The following MRPS31 variants were observed in gnomAD, a reference collection of about 807,000 sequenced individuals.
MRPS31 encodes the protein small ribosomal subunit protein mS31.
A neutral mutation model predicts 43.1 loss-of-function variants in MRPS31; 32 were observed. The ratio of observed to expected loss-of-function variants is 0.74; its 90% CI spans 0.56 to 1.00. The LOEUF (loss-of-function observed/expected upper bound fraction) is 1.00, where lower values mean the gene tolerates loss of function less well. Among genes scored for constraint, MRPS31 ranks in the 50% least tolerant of loss-of-function variants. The probability of loss-of-function intolerance (pLI) is 0.00; values close to 1 mark genes in which losing one functional copy is unlikely to be tolerated. For synonymous variants in MRPS31, 165 were observed against 161.6 expected (o/e 1.02, Z -0.16); for missense variants, 437 against 466.7 (o/e 0.94, Z 0.59).
intron 4 of MRPS31, among the ~76,000 whole-genome samples, chr13:40,756,638 G>A (rs1031757573): frequency 1.3e-5 from 2 of 152,212 alleles, no homozygotes; most frequent in African/African-American, 4.8e-5. Context: ...GTGGGTAGAT[G>A]TGAAGCATGG....
Position 40,767,013 on chromosome 13 carries a change from C to T in MRPS31, c.173G>A (p.Arg58Lys). The change falls in exon 2 of 7, where the codon AGA becomes AAA. Residue 58 changes from arginine (R) to lysine (K), a missense_variant. Coordinates refer to ENST00000323563, the MANE Select transcript of MRPS31 (RefSeq NM_005830.4). ...LLARTKNNIQ[R>K]YFGTNSVICS... ...GATCACACTGTTAGTGCCAAAATATCTTTGGATGTTATTTTTTGTCCTGGA... is the reference window on the plus strand; with the variant it reads ...GATCACACTGTTAGTGCCAAAATATTTTTGGATGTTATTTTTTGTCCTGGA... 1.2e-6 allele frequency: 2 copies of T among 1,605,700 alleles called. No homozygotes were observed. The highest frequency in any genetic ancestry group is 1.1e-5 in the South Asian group (1 of 88,544).
intron 1 of MRPS31, among the ~76,000 whole-genome samples, chr13:40,769,817 G>A (rs1048376291): frequency 6.6e-6 from 1 of 152,060 alleles, no homozygotes; most frequent in African/African-American, 2.4e-5. Context: ...GGAAAATCAC[G>A]TCTAAGTAAC....
chr13:40,759,138 G>GAAAA, intron 2 of MRPS31, 32 bp from the exon 3 acceptor site: 1 of 1,494,682 alleles, frequency 6.7e-7, no homozygotes, highest in Admixed American at 2.2e-5. Context: ...AAATGAGAAA[G>GAAAA]AAAAAAAAAG....
intron 6 of MRPS31, among the ~76,000 whole-genome samples, chr13:40,747,123 G>C (rs774345461): frequency 5.3e-5 from 8 of 151,572 alleles, no homozygotes; most frequent in Non-Finnish European, 7.4e-5. Context: ...CTGTCACCCA[G>C]GCTGGAGTGC....
chr13:40,754,204 C>A, intron 4 of MRPS31, 112 bp from the exon 5 acceptor site: 1 of 595,572 alleles, frequency 1.7e-6, no homozygotes, highest in East Asian at 3.3e-5. Context: ...AAAAATTCCA[C>A]TGACCCACAT....
chr13:40,752,390 C>G (rs1052827955), intron 5 of MRPS31: 2 of 152,200 alleles, frequency 1.3e-5, no homozygotes, highest in African/African-American at 4.8e-5. Flanking sequence ...TGTCCCTACG[C>G]ATTTTGCACT....
At chr13:40,747,447 T>A (rs1436933007) in intron 6 of MRPS31, among the ~76,000 whole-genome samples, 3 of 152,208 alleles carry the variant, frequency 2.0e-5, no homozygotes, top group Middle Eastern at 3.2e-3. Context: ...GGGCTGCTAC[T>A]CAGGTTTGTA....
Position 40,766,972 on chromosome 13 carries a change from T to C in MRPS31, c.214A>G (p.Lys72Glu). ...TNSVICSKKD[K>E]QSVRTEETSK... ...GTCTCCTCAGTTCGAACAGACTGCT[T>C]ATCTTTCTTGCTACAGATCACACTG... Residue 72 changes from lysine to glutamate, a missense_variant, in exon 2 of 7, where the codon AAG becomes GAG. Transcript: ENST00000323563. The C allele has an allele frequency of 6.2e-7, 1 of 1,614,144 alleles. No individual in the cohort carries two copies. Among genetic ancestry groups the C allele is most frequent in the South Asian group, 1.1e-5 (1 of 91,074 alleles).
At chr13:40,754,457 G>C (rs1880473568) in intron 4 of MRPS31, among the ~76,000 whole-genome samples, 1 of 152,112 alleles carries the variant, frequency 6.6e-6, no homozygotes, top group South Asian at 2.1e-4. Context: ...CTCAACATTT[G>C]TCTTTAAGGG....
At chr13:40,755,149 GCAAATAC>G in intron 4 of MRPS31, among the ~76,000 whole-genome samples, 1 of 152,290 alleles carries the variant, frequency 6.6e-6, no homozygotes, top group African/African-American at 2.4e-5. Flanking sequence ...CTGGAAAAAT[GCAAATAC>G]CATATGAACG....
At chr13:40,742,978 C>A (rs924255637) in intron 6 of MRPS31, among the ~76,000 whole-genome samples, 2 of 152,028 alleles carry the variant, frequency 1.3e-5, no homozygotes, top group Non-Finnish European at 2.9e-5. Context: ...AAATACCATC[C>A]TAGACAACAG....
At chr13:40,744,160 A>G (rs1188886653) in intron 6 of MRPS31, among the ~76,000 whole-genome samples, 4 of 152,206 alleles carry the variant, frequency 2.6e-5, no homozygotes, top group Admixed American at 2.0e-4. Flanking sequence ...GAGTACATAT[A>G]GACACAAAGA....
In MRPS31 at chr13:40,767,026, T is replaced by A; in HGVS notation, c.160A>T (p.Asn54Tyr). 2 of 1,604,116 alleles carry A rather than the reference T, an allele frequency of 1.2e-6. No individual in the cohort carries two copies. Among genetic ancestry groups the A allele is most frequent in the South Asian group, 2.3e-5 (2 of 88,182 alleles). The change falls in exon 2 of 7, where the codon AAT becomes TAT. Residue 54 changes from asparagine to tyrosine, a missense_variant. Physicochemically the swap from Asn to Tyr is moderately radical, Grantham distance 143. Transcript: ENST00000323563. The stretch of plus-strand genomic sequence containing the variant: ...GTGCCAAAATATCTTTGGATGTTAT[T>A]TTTTGTCCTGGAAAGATGCATTAAA... ...RSSALLARTK[N>Y]NIQRYFGTNS...
rs896798130 is a variant in MRPS31 at position 40,771,153 on chromosome 13, G to A, written c.-17C>T. ...AGGAAACATCGCCGAGACACGAAAT[G>A]AACCAAGAACACAACTGAAATGGTG... On this transcript the variant is annotated 5_prime_UTR_variant, in exon 1 of 7. Transcript: ENST00000323563. The A allele has an allele frequency of 1.3e-6, 2 of 1,587,800 alleles. No homozygotes were observed. Among genetic ancestry groups the A allele is most frequent in the Admixed American group, 1.7e-5 (1 of 57,258 alleles).
intron 5 of MRPS31, among the ~76,000 whole-genome samples, chr13:40,750,857 T>C (rs1285773859): frequency 6.6e-6 from 1 of 151,230 alleles, no homozygotes; most frequent in Non-Finnish European, 1.5e-5. Flanking sequence ...TAGTGACAAA[T>C]ATCCTTGTAG....
At chr13:40,741,742 TA>T (rs1331213272) in intron 6 of MRPS31, among the ~76,000 whole-genome samples, 2 of 152,176 alleles carry the variant, frequency 1.3e-5, no homozygotes, top group Non-Finnish European at 2.9e-5. Context: ...GGATCTACTA[TA>T]GCTCCATCAT....
chr13:40,744,289 A>C (rs1292404578), intron 6 of MRPS31, among the ~76,000 whole-genome samples: 2 of 152,190 alleles, frequency 1.3e-5, no homozygotes, highest in Admixed American at 6.5e-5. Context: ...TCTGTACACC[A>C]AACTCCCTGA....
chr13:40,759,100 C>A lies in MRPS31; in HGVS notation c.447G>T (p.Glu149Asp). 1 of 1,566,524 alleles carries A rather than the reference C, an allele frequency of 6.4e-7. No individual in the cohort carries two copies. Among genetic ancestry groups the A allele is most frequent in the South Asian group, 1.2e-5 (1 of 82,182 alleles). Residue 149 changes from glutamate (E) to aspartate (D), a missense_variant, in exon 3 of 7, where the codon GAG becomes GAT. Coordinates refer to ENST00000323563, the MANE Select transcript of MRPS31 (RefSeq NM_005830.4). ...CTGCCACCAACTCAGGACTCAGGGG[C>A]TCAATTCTGAAAAAGAAAATGAAAA... is the stretch of plus-strand genomic sequence containing the variant. ...ATEYAPKKRI[E>D]PLSPELVAAA...
rs118166927 is a variant in MRPS31, at chr13:40,766,323, C to T, written c.440+423G>A. On this transcript the variant is annotated intron_variant, in intron 2 of 6. Coordinates refer to ENST00000323563, the MANE Select transcript of MRPS31 (RefSeq NM_005830.4). ...GTTGTTGTTGTTTGAGACAGAGTCT[C>T]GCTTGATCCCCCAGGCTGGAGTGCA... Among the ~76,000 whole-genome samples, 416 of 152,238 alleles carry T rather than the reference C, an allele frequency of 2.7e-3. 11 individuals are homozygous for T. In the East Asian group the frequency reaches 0.061, roughly 22 times the overall value.
Sources: allele counts gnomAD v4.1 joint callset (sites outside exome capture counted in the v4.1 genomes callset), GRCh38; gene constraint gnomAD v4.1.1; transcripts MANE v1.5; gene names NCBI Gene and HGNC (gene_info 2026-07-23, HGNC 2026-07-21).